The following TDRD15 variants were observed in gnomAD, a reference collection of about 807,000 sequenced individuals.
TDRD15 encodes the protein tudor domain-containing protein 15.
For synonymous variants in TDRD15, 503 were observed against 314.5 expected, an observed-to-expected ratio of 1.60 and a Z score of -6.34; for missense variants, 1,416 against 904.7, an observed-to-expected ratio of 1.57 and a Z score of -7.25.
At chr2:21,147,100 CTG>C (rs1486834440), downstream of TDRD15, among the ~76,000 whole-genome samples, 2 of 152,078 alleles carry the variant, frequency 1.3e-5, no homozygotes, top group Admixed American at 1.3e-4. Flanking sequence ...TGCTCACTAA[CTG>C]TTAGAAATAT....
At position 21,142,706 on chromosome 2, in the gene TDRD15, G is replaced by A. The variant is rs1315330796; in HGVS notation, c.5239G>A (p.Asp1747Asn). Residue 1747 changes from aspartate (D) to asparagine (N), a missense_variant, in exon 4 of 4, where the codon GAC (aspartate) becomes AAC (asparagine). By Grantham distance (23) the Asp-to-Asn change is conservative. Coordinates refer to ENST00000405799, the MANE Select transcript of TDRD15 (RefSeq NM_001306137.2). Reference sequence around the variant, plus strand: ...TGCAACTGCTGTTTCTGATCCATCAGACTTCAGTATTCAGTTAGAAGATTT... The same window carrying A: ...TGCAACTGCTGTTTCTGATCCATCAAACTTCAGTATTCAGTTAGAAGATTT... The part of the protein sequence containing the change: ...GIATAVSDPS[D>N]FSIQLEDFFD... 1 of 710,856 alleles carries A rather than the reference G, an allele frequency of 1.4e-6. No homozygotes were observed. Among genetic ancestry groups the A allele is most frequent in the East Asian group, 2.7e-5 (1 of 37,172 alleles). The allele number at this position is 710,856 out of a possible 1,614,324, so 44.0% of individuals were successfully genotyped here.
intron 2 of TDRD15, among the ~76,000 whole-genome samples, chr2:21,131,477 C>A (rs1665717202): frequency 6.6e-6 from 1 of 152,156 alleles, no homozygotes; most frequent in South Asian, 2.1e-4. Flanking sequence ...AGTTGTTGTG[C>A]ATATCAAAGA....
At chr2:21,127,231 T>C (rs1417597992) in intron 1 of TDRD15, among the ~76,000 whole-genome samples, 1 of 152,178 alleles carries the variant, frequency 6.6e-6, no homozygotes, top group Non-Finnish European at 1.5e-5. Flanking sequence ...CTATATGTTT[T>C]GTAAGTATTT....
Position 21,142,376 on chromosome 2 carries a change from G to T in TDRD15, c.4909G>T (p.Ala1637Ser). 1.4e-6 allele frequency: 1 copy of T among 702,722 alleles called. No homozygotes were observed. The allele number at this position is 702,722 out of a possible 1,614,324, so 43.5% of individuals were successfully genotyped here. Residue 1637 changes from alanine (A) to serine (S), a missense_variant, in exon 4 of 4, where the codon GCT becomes TCT. Transcript: ENST00000405799. ...TGAAATAAGAAACATTCCTAGACAA[G>T]CTGTACCTTGTAAATGGATTTGGTT... Reference protein sequence around the residue: ...SNEIRNIPRQAVPCKWIWFEN... With the variant: ...SNEIRNIPRQSVPCKWIWFEN...
chr2:21,139,010 A>G lies in TDRD15; in HGVS notation c.1543A>G (p.Ile515Val), dbSNP rs532648122. Reference sequence around the variant, plus strand: ...TGAATTTCAAGAAATAATGAAAAACATAAACAAATTTTATGATTTGTGTGA... The same window carrying G: ...TGAATTTCAAGAAATAATGAAAAACGTAAACAAATTTTATGATTTGTGTGA... Reference protein sequence around the residue: ...RNEFQEIMKNINKFYDLCEND... With the variant: ...RNEFQEIMKNVNKFYDLCEND... The change falls in exon 4 of 4, where the codon ATA becomes GTA. Residue 515 changes from isoleucine to valine, a missense_variant. Ile to Val is a conservative substitution (Grantham distance 29). Coordinates refer to ENST00000405799, the MANE Select transcript of TDRD15 (RefSeq NM_001306137.2). The G allele has an allele frequency of 6.3e-5, 45 of 711,330 alleles. No homozygotes were observed. The highest frequency in any genetic ancestry group is 1.1e-4 in the Non-Finnish European group (41 of 383,134). 44.1% of individuals were successfully genotyped at this position (711,330 alleles called of 1,614,324 possible).
At chr2:21,132,568 G>T (rs2103438974) in intron 2 of TDRD15, among the ~76,000 whole-genome samples, 1 of 152,218 alleles carries the variant, frequency 6.6e-6, no homozygotes, top group Non-Finnish European at 1.5e-5. Context: ...TGGAATGATA[G>T]TGGGGTCATG....
chr2:21,139,592 C>T lies in TDRD15; in HGVS notation c.2125C>T (p.His709Tyr). ...TGAAGGACCTAAATCTAAAAAGTAC[C>T]ATTCAAATAACCTGGTGGAAAATAA... ...LLEGPKSKKY[H>Y]SNNLVENNLS... Residue 709 changes from histidine (H) to tyrosine (Y), a missense_variant, in exon 4 of 4, where the codon CAT becomes TAT. Coordinates refer to ENST00000405799, the MANE Select transcript of TDRD15 (RefSeq NM_001306137.2). The T allele has an allele frequency of 1.4e-6, 1 of 714,834 alleles. No individual in the cohort carries two copies. The highest frequency in any genetic ancestry group is 2.7e-5 in the East Asian group (1 of 37,240). 44.3% of individuals were successfully genotyped at this position (714,834 alleles called of 1,614,324 possible).
downstream of TDRD15, among the ~76,000 whole-genome samples, chr2:21,145,453 A>G (rs1265625414): frequency 6.6e-6 from 1 of 151,942 alleles, no homozygotes; most frequent in African/African-American, 2.4e-5. Context: ...CAAATTCTTT[A>G]AGAACCCACT....
chr2:21,133,394 T>C (rs1275589567), intron 2 of TDRD15, among the ~76,000 whole-genome samples: 1 of 152,196 alleles, frequency 6.6e-6, no homozygotes, highest in Non-Finnish European at 1.5e-5. Context: ...CTTTTGTATT[T>C]GCATCTTTCA....
chr2:21,136,602 A>G (rs1665812276), intron 3 of TDRD15, among the ~76,000 whole-genome samples: 1 of 151,990 alleles, frequency 6.6e-6, no homozygotes, highest in East Asian at 1.9e-4. Context: ...ATGCCTGTCA[A>G]CTGTTAACTC....
Position 21,139,157 on chromosome 2 carries a change from T to A in TDRD15, c.1690T>A (p.Tyr564Asn), listed in dbSNP as rs1553308060. 1 of 711,724 alleles carries A rather than the reference T, an allele frequency of 1.4e-6. No individual in the cohort carries two copies. Among genetic ancestry groups the A allele is most frequent in the Non-Finnish European group, 2.6e-6 (1 of 383,202 alleles). 44.1% of individuals were successfully genotyped at this position (711,724 alleles called of 1,614,324 possible). A position where few individuals can be genotyped will look rare whatever the true frequency, so the allele number is the denominator to read the frequency against. The change falls in exon 4 of 4, where the codon TAT becomes AAT. Residue 564 changes from tyrosine (Y) to asparagine (N), a missense_variant. Tyr to Asn is a moderately radical substitution (Grantham distance 143, BLOSUM62 -2). Transcript: ENST00000405799. ...TEINGYKINV[Y>N]FLDYGNTDSI... Reference sequence around the variant, plus strand: ...AATTAATGGTTATAAGATTAATGTTTATTTTTTGGATTATGGTAATACTGA... The same window carrying A: ...AATTAATGGTTATAAGATTAATGTTAATTTTTTGGATTATGGTAATACTGA...
rs1665889912 is a variant in TDRD15 at position 21,140,035 on chromosome 2, AG to A, written c.2569del (p.Glu857LysfsTer42). 1.4e-6 allele frequency: 1 copy of A among 715,828 alleles called. No individual in the cohort carries two copies. Among genetic ancestry groups the A allele is most frequent in the Non-Finnish European group, 2.6e-6 (1 of 383,968 alleles). 44.3% of individuals were successfully genotyped at this position (715,828 alleles called of 1,614,324 possible). ...CAATTAACCCACGTTTTCTCTTGTT[AG>A]AAAGCCAAGCCTTCAGATGTTGTCT... is the stretch of plus-strand genomic sequence containing the variant. Reference protein sequence around the residue: ...CAINPRFLLLESQAFRCCLNH... With the variant: ...CAINPRFLLLXSQAFRCCLNH... On this transcript the variant is annotated frameshift_variant, in exon 4 of 4. Transcript: ENST00000405799. LOFTEE classifies it low-confidence loss of function (END_TRUNC).
chr2:21,137,061 A>T (rs1665821474), intron 3 of TDRD15, among the ~76,000 whole-genome samples: 1 of 152,014 alleles, frequency 6.6e-6, no homozygotes, highest in South Asian at 2.1e-4. Flanking sequence ...AAGAGTTTGC[A>T]TGAAGGAAAG....
chr2:21,138,861 G>A lies in TDRD15; in HGVS notation c.1394G>A (p.Gly465Asp), dbSNP rs747083020. ...EWSIDSLNKK[G>D]ILKVGFPIKT... ...TCAATAGACTCTCTAAATAAAAAAG[G>A]CATTTTAAAAGTAGGTTTTCCCATT... The change falls in exon 4 of 4, where the codon GGC (glycine) becomes GAC (aspartate). Residue 465 changes from glycine to aspartate, a missense_variant. Gly to Asp is a moderately conservative substitution (Grantham distance 94). Transcript: ENST00000405799. 4 of 714,862 alleles carry A rather than the reference G, an allele frequency of 5.6e-6. No homozygotes were observed. The highest frequency in any genetic ancestry group is 2.3e-4 in the Middle Eastern group (1 of 4,360). 44.3% of individuals were successfully genotyped at this position (714,862 alleles called of 1,614,324 possible). A position where few individuals can be genotyped will look rare whatever the true frequency, so the allele number is the denominator to read the frequency against.
In TDRD15 at chr2:21,140,715, C is replaced by T. The variant is rs1665905241; in HGVS notation, c.3248C>T (p.Ser1083Leu). 3 of 712,220 alleles carry T rather than the reference C, an allele frequency of 4.2e-6. No homozygotes were observed. In the East Asian group the frequency reaches 8.1e-5, roughly 19 times the overall value. 44.1% of individuals were successfully genotyped at this position (712,220 alleles called of 1,614,324 possible). A position where few individuals can be genotyped will look rare whatever the true frequency, so the allele number is the denominator to read the frequency against. The change falls in exon 4 of 4, where the codon TCA becomes TTA. Residue 1083 changes from serine to leucine, a missense_variant. Transcript: ENST00000405799. ...ATGCAAGCTATTAAGTGTTTTTTGT[C>T]AGATCTTAGGGATGTAGATATTCCA... is the stretch of plus-strand genomic sequence containing the variant. ...TPMQAIKCFL[S>L]DLRDVDIPAE...
In TDRD15 at chr2:21,142,322, C is replaced by T. The variant is rs1447054792; in HGVS notation, c.4855C>T (p.Pro1619Ser). 1.7e-5 allele frequency: 12 copies of T among 688,464 alleles called. No individual in the cohort carries two copies. Among genetic ancestry groups the T allele is most frequent in the Admixed American group, 1.2e-4 (5 of 42,394 alleles). 42.6% of individuals were successfully genotyped at this position (688,464 alleles called of 1,614,324 possible). ...AGATTGTGGTATCTATGAAATAGTA[C>T]CTGTATGTAATACCAAGCTGCTTAG... ...LVDCGIYEIV[P>S]VCNTKLLSNE... The change falls in exon 4 of 4, where the codon CCT becomes TCT. Residue 1619 changes from proline to serine, a missense_variant. Physicochemically the swap from Pro to Ser is moderately conservative, Grantham distance 74. Coordinates refer to ENST00000405799, the MANE Select transcript of TDRD15 (RefSeq NM_001306137.2).
In TDRD15 at chr2:21,141,178, A is replaced by G. The variant is rs762293289; in HGVS notation, c.3711A>G (p.Lys1237=). 5.6e-6 allele frequency: 4 copies of G among 714,976 alleles called. No individual in the cohort carries two copies. The South Asian group carries it at 5.9e-5, about 11-fold the overall frequency. 44.3% of individuals were successfully genotyped at this position (714,976 alleles called of 1,614,324 possible). ...TSLNDGLKGI[K]IVPGAAHILE... ...TGAATGATGGGCTTAAAGGTATAAAAATTGTCCCTGGAGCTGCACATATTC... is the reference window on the plus strand; with the variant it reads ...TGAATGATGGGCTTAAAGGTATAAAGATTGTCCCTGGAGCTGCACATATTC... The change falls in exon 4 of 4, where the codon AAA becomes AAG. Residue 1237 remains lysine, a synonymous_variant. Coordinates refer to ENST00000405799, the MANE Select transcript of TDRD15 (RefSeq NM_001306137.2).
At chr2:21,135,858 T>C (rs779599046) in intron 3 of TDRD15, among the ~76,000 whole-genome samples, 1 of 152,120 alleles carries the variant, frequency 6.6e-6, no homozygotes, top group East Asian at 1.9e-4. Context: ...GAGGGAGAGA[T>C]AGTGACGTGG....
chr2:21,130,402 A>G (rs769613044), intron 2 of TDRD15, among the ~76,000 whole-genome samples: 7 of 152,196 alleles, frequency 4.6e-5, no homozygotes, highest in African/African-American at 9.7e-5. Context: ...AGGATTTTCA[A>G]TTTTACAGTA....
Sources: allele counts gnomAD v4.1 joint callset (sites outside exome capture counted in the v4.1 genomes callset), GRCh38; gene constraint gnomAD v4.1.1; transcripts MANE v1.5; gene names NCBI Gene and HGNC (gene_info 2026-07-23, HGNC 2026-07-21).